FCHSD2: variants seen among roughly 807,000 people sequenced by gnomAD.
The protein encoded by FCHSD2 is FCH and double SH3 domains 2.
FCHSD2 carries 38 observed loss-of-function variants against 108.1 expected under a neutral mutation model. The ratio of observed to expected loss-of-function variants is 0.35; its 90% CI spans 0.27 to 0.46. The LOEUF is 0.46. Among genes scored for constraint, FCHSD2 ranks in the 20% least tolerant of loss-of-function variants. The probability of loss-of-function intolerance (pLI) is 1.00; values close to 1 mark genes in which losing one functional copy is unlikely to be tolerated. For missense variants in FCHSD2, 751 were observed against 897.8 expected (o/e 0.84, Z 2.09); for synonymous variants, 279 against 314.7 (o/e 0.89, Z 1.20).
intron 19 of FCHSD2, among the ~76,000 whole-genome samples, 152 bp downstream of exon 19, chr11:72,840,725 C>T (rs1860899327): frequency 6.6e-6 from 1 of 152,190 alleles, no homozygotes; most frequent in Admixed American, 6.5e-5. Flanking sequence ...CTATGGCCTT[C>T]CTTTTCAATA....
chr11:73,142,120 G>GCCCGGGCGGC lies in FCHSD2; in HGVS notation c.-244_-243insGCCGCCCGGG. On this transcript the variant is annotated 5_prime_UTR_variant, in exon 1 of 20. Coordinates refer to ENST00000409418, the MANE Select transcript of FCHSD2 (RefSeq NM_014824.3). ...GCTTGGGGCCCGGGCGGCCCGGGCG[G>GCCCGGGCGGC]CCCGGGGGTGTGTGAGGAAGGAGGC... 2.6e-6 allele frequency: 1 copy of GCCCGGGCGGC among 385,814 alleles called. No homozygotes were observed. Among genetic ancestry groups the GCCCGGGCGGC allele is most frequent in the Non-Finnish European group, 4.7e-6 (1 of 214,518 alleles). 23.9% of individuals were successfully genotyped at this position (385,814 alleles called of 1,614,324 possible).
At chr11:72,902,736 T>G in intron 9 of FCHSD2, 98 bp from the exon 10 acceptor site, 1 of 683,562 alleles carries the variant, frequency 1.5e-6, no homozygotes, top group Non-Finnish European at 2.4e-6. Context: ...TCTATACAAA[T>G]GAGAAATCAT....
chr11:72,895,409 C>T (rs765889358), intron 10 of FCHSD2, among the ~76,000 whole-genome samples: 1 of 152,156 alleles, frequency 6.6e-6, no homozygotes, highest in African/African-American at 2.4e-5. Flanking sequence ...AAAAACCTTG[C>T]GTCTAACACT....
At chr11:72,900,230 CCCG>C in intron 10 of FCHSD2, 1 of 672,786 alleles carries the variant, frequency 1.5e-6, no homozygotes, top group Non-Finnish European at 2.6e-6. Flanking sequence ...TCCCATCCCT[CCCG>C]CCCTTGACCC....
chr11:73,025,992 T>TTATG (rs200477185), intron 3 of FCHSD2, among the ~76,000 whole-genome samples: 25,304 of 149,432 alleles, frequency 0.17, 2,219 homozygotes, highest in South Asian at 0.19. Context: ...GAGATTCATT[T>TTATG]TATGTATGTA....
At chr11:73,099,215 CA>C (rs1488990139) in intron 2 of FCHSD2, among the ~76,000 whole-genome samples, 1 of 152,056 alleles carries the variant, frequency 6.6e-6, no homozygotes, top group Non-Finnish European at 1.5e-5. Context: ...ACCCTGCTTC[CA>C]AAAATAAACA....
chr11:72,861,521 T>C (rs1861575622), intron 13 of FCHSD2, among the ~76,000 whole-genome samples: 1 of 152,186 alleles, frequency 6.6e-6, no homozygotes, highest in Non-Finnish European at 1.5e-5. Context: ...GAGGATACTT[T>C]TCAAATCATT....
At chr11:72,996,665 A>G (rs1857523956) in intron 5 of FCHSD2, among the ~76,000 whole-genome samples, 1 of 152,218 alleles carries the variant, frequency 6.6e-6, no homozygotes. Flanking sequence ...CTTTAAAAAA[A>G]CATGAACTTT....
In FCHSD2 at chr11:73,120,798, G is replaced by A. The variant is rs879824966; in HGVS notation, c.119+19233C>T. Among the ~76,000 whole-genome samples, 45 of 142,778 alleles carry A rather than the reference G, an allele frequency of 3.2e-4. 1 individual carries two copies. Among genetic ancestry groups the A allele is most frequent in the South Asian group, 2.2e-4 (1 of 4,470 alleles). The allele number at this position is 142,778 out of a possible 152,430, so 93.7% of individuals were successfully genotyped here. ...TGAAGATAAAAGACAGTCTTGCTCC[G>A]AAAAAGCTCACAGTCTGGAGGTGAA... On this transcript the variant is annotated intron_variant, in intron 2 of 19. Coordinates refer to ENST00000409418, the MANE Select transcript of FCHSD2 (RefSeq NM_014824.3).
At chr11:73,090,279 G>A in intron 2 of FCHSD2, among the ~76,000 whole-genome samples, 1 of 133,032 alleles carries the variant, frequency 7.5e-6, no homozygotes, top group Non-Finnish European at 1.5e-5. Context: ...AGGCTGGAGT[G>A]CAGTGGCGGG....
At chr11:73,009,502 CAA>C (rs1857814723) in intron 4 of FCHSD2, among the ~76,000 whole-genome samples, 2 of 152,144 alleles carry the variant, frequency 1.3e-5, no homozygotes, top group South Asian at 2.1e-4. Context: ...TCTCAAAAAA[CAA>C]AGTCATACTA....
At chr11:72,993,013 A>C (rs1433872043) in intron 5 of FCHSD2, among the ~76,000 whole-genome samples, 1 of 152,240 alleles carries the variant, frequency 6.6e-6, no homozygotes, top group Non-Finnish European at 1.5e-5. Flanking sequence ...TACTCATCTG[A>C]CAAAGGGCTA....
chr11:73,044,927 G>A (rs759389247), intron 3 of FCHSD2, among the ~76,000 whole-genome samples: 2 of 151,900 alleles, frequency 1.3e-5, no homozygotes, highest in African/African-American at 4.8e-5. Flanking sequence ...AAAATTAGCC[G>A]GGTGTGGTGA....
At chr11:72,960,163 G>A (rs1016432736) in intron 8 of FCHSD2, among the ~76,000 whole-genome samples, 1 of 152,128 alleles carries the variant, frequency 6.6e-6, no homozygotes. Flanking sequence ...TACAGTCATA[G>A]TGGAAGGCGA....
chr11:72,853,308 T>C (rs972422610), intron 13 of FCHSD2, among the ~76,000 whole-genome samples: 2 of 152,154 alleles, frequency 1.3e-5, no homozygotes, highest in Non-Finnish European at 2.9e-5. Context: ...AAGAATGACA[T>C]TGAAATCTCA....
At position 72,915,679 on chromosome 11, in the gene FCHSD2, G is replaced by A. The variant is rs531538206; in HGVS notation, c.828+6149C>T. On this transcript the variant is annotated intron_variant, in intron 9 of 19. Coordinates refer to ENST00000409418, the MANE Select transcript of FCHSD2 (RefSeq NM_014824.3). ...ACAAAAATACAAAAATTAGCCGGGC[G>A]CGGTGGTGGGCGCCTATAATCCCAG... 4.6e-5 allele frequency among the ~76,000 whole-genome samples: 7 copies of A among 152,208 alleles called. No individual in the cohort carries two copies. In the East Asian group the frequency reaches 1.2e-3, roughly 25 times the overall value.
intron 3 of FCHSD2, among the ~76,000 whole-genome samples, chr11:73,039,562 G>T (rs1858583816): frequency 6.6e-6 from 1 of 151,820 alleles, no homozygotes; most frequent in African/African-American, 2.4e-5. Context: ...TATGTCACAT[G>T]TAAGTTTGTC....
At chr11:72,902,336 G>C (rs1855543482) in intron 10 of FCHSD2, among the ~76,000 whole-genome samples, 1 of 152,016 alleles carries the variant, frequency 6.6e-6, no homozygotes, top group African/African-American at 2.4e-5. Flanking sequence ...AACCTCATTT[G>C]GTAGAAGGTT....
At chr11:73,024,015 G>A (rs1336089741) in intron 3 of FCHSD2, among the ~76,000 whole-genome samples, 1 of 152,144 alleles carries the variant, frequency 6.6e-6, no homozygotes, top group Non-Finnish European at 1.5e-5. Flanking sequence ...GTGTTTGCTA[G>A]GGGAAGAATT....
Sources: allele counts gnomAD v4.1 joint callset (sites outside exome capture counted in the v4.1 genomes callset), GRCh38; gene constraint gnomAD v4.1.1; transcripts MANE v1.5; gene names NCBI Gene and HGNC (gene_info 2026-07-23, HGNC 2026-07-21).